Variants in CDKL3 observed in about 807,000 individuals in gnomAD.
CDKL3 encodes the protein cyclin dependent kinase like 3.
Under a neutral mutation model 69.3 loss-of-function variants are expected in CDKL3, and 65 were observed. The ratio of observed to expected loss-of-function variants is 0.94; its 90% confidence interval spans 0.77 to 1.15. CDKL3 has a LOEUF of 1.15. Among genes scored for constraint, CDKL3 ranks in the 50% most tolerant of loss-of-function variants. The pLI, the probability that CDKL3 is intolerant of heterozygous loss-of-function variation, is 0.00. For synonymous variants in CDKL3, 202 were observed against 221.6 expected (o/e 0.91, Z 0.79); for missense variants, 652 against 689.2 (o/e 0.95, Z 0.61).
At chr5:134,298,853 G>A in intron 12 of CDKL3, 143 bp from the exon 13 acceptor site, 1 of 1,115,672 alleles carries the variant, frequency 9.0e-7, no homozygotes, top group Non-Finnish European at 1.3e-6. Context: ...TTGCTTCAAT[G>A]CCTTGCTCAA....
chr5:134,296,374 C>T (rs1765350407), downstream of CDKL3, among the ~76,000 whole-genome samples: 1 of 152,140 alleles, frequency 6.6e-6, no homozygotes, highest in Non-Finnish European at 1.5e-5. Context: ...GGTTTTATGC[C>T]TTACACGGCC....
chr5:134,354,219 G>A (rs1381734867), intron 3 of CDKL3, among the ~76,000 whole-genome samples: 1 of 152,132 alleles, frequency 6.6e-6, no homozygotes, highest in Non-Finnish European at 1.5e-5. Flanking sequence ...CATAAGCTCC[G>A]TGAGGGCAAT....
At chr5:134,363,135 T>C (rs1756459668) in intron 2 of CDKL3, among the ~76,000 whole-genome samples, 3 of 152,172 alleles carry the variant, frequency 2.0e-5, no homozygotes, top group African/African-American at 4.8e-5. Flanking sequence ...AGATACTGCC[T>C]TGGGGGAAAA....
intron 3 of CDKL3, among the ~76,000 whole-genome samples, chr5:134,353,160 C>G (rs1202643075): frequency 3.3e-5 from 5 of 152,128 alleles, no homozygotes; most frequent in African/African-American, 1.2e-4. Context: ...AACATTTCTA[C>G]GTCTAACAGA....
chr5:134,297,887 AGTTTGTGTGT>A (rs1765444982), downstream of CDKL3, among the ~76,000 whole-genome samples: 3 of 121,364 alleles, frequency 2.5e-5, no homozygotes, highest in South Asian at 5.6e-4. Flanking sequence ...AACCATGAAT[AGTTTGTGTGT>A]GTGTGTGTGT....
Position 134,306,702 on chromosome 5 carries a change from C to CCTATTAT in CDKL3, c.1365-7_1365-1dup (p.Leu456Ter). 6.9e-7 allele frequency: 1 copy of CCTATTAT among 1,453,204 alleles called. No individual in the cohort carries two copies. Among genetic ancestry groups the CCTATTAT allele is most frequent in the Non-Finnish European group, 9.3e-7 (1 of 1,071,632 alleles). 90.0% of individuals were successfully genotyped at this position (1,453,204 alleles called of 1,614,324 possible). A position where few individuals can be genotyped will look rare whatever the true frequency, so the allele number is the denominator to read the frequency against. ...GTCTCTTTTTTGCTCTTTCAGTTAA[C>CCTATTAT]CTATTATTTAAAAATGAATGAGAAG... On this transcript the variant is annotated stop_gained and frameshift_variant and splice_region_variant. Transcript: ENST00000265334. LOFTEE classifies it high-confidence loss of function.
chr5:134,345,873 T>G (rs1751732026), intron 4 of CDKL3, among the ~76,000 whole-genome samples: 1 of 152,180 alleles, frequency 6.6e-6, no homozygotes. Flanking sequence ...CACCCACTGA[T>G]TTTGAACTTC....
chr5:134,364,662 C>CTA (rs1327748031), intron 2 of CDKL3, among the ~76,000 whole-genome samples: 3 of 150,856 alleles, frequency 2.0e-5, no homozygotes, highest in Non-Finnish European at 4.4e-5. Context: ...CAGGCATGCA[C>CTA]TACCATCCCC....
At chr5:134,295,827 T>C (rs979547422), downstream of CDKL3, among the ~76,000 whole-genome samples, 3 of 152,194 alleles carry the variant, frequency 2.0e-5, no homozygotes, top group Non-Finnish European at 2.9e-5. Context: ...CTTTATGAAA[T>C]AGAACAAGTC....
At chr5:134,367,485 T>G (rs1757740508), upstream of CDKL3, 2 of 783,726 alleles carry the variant, frequency 2.6e-6, no homozygotes, top group Non-Finnish European at 3.1e-6. Context: ...GTGATTTTCC[T>G]GCCTCAGCCT....
chr5:134,365,703 T>A (rs2149674083), intron 2 of CDKL3, among the ~76,000 whole-genome samples: 1 of 152,310 alleles, frequency 6.6e-6, no homozygotes, highest in African/African-American at 2.4e-5. Context: ...CTACCTCCAA[T>A]TTACTGTTCT....
At chr5:134,366,239 T>C in intron 2 of CDKL3, 120 bp downstream of exon 2, 1 of 665,644 alleles carries the variant, frequency 1.5e-6, no homozygotes, top group South Asian at 2.1e-5. Flanking sequence ...TAAGATAGAG[T>C]ATTACACTTG....
chr5:134,308,011 T>C (rs1768351403), intron 9 of CDKL3, 127 bp downstream of exon 9: 1 of 1,407,536 alleles, frequency 7.1e-7, no homozygotes, highest in Non-Finnish European at 9.3e-7. Context: ...TGGCCCATTA[T>C]ACAGCTTTAA....
rs1035523262 is a variant in CDKL3 at position 134,352,457 on chromosome 5, C to T, written c.361-2030G>A. 3.3e-5 allele frequency among the ~76,000 whole-genome samples: 5 copies of T among 152,052 alleles called. 1 individual carries two copies. The highest frequency in any genetic ancestry group is 4.2e-4 in the South Asian group (2 of 4,816). On this transcript the variant is annotated intron_variant, in intron 3 of 12. Coordinates refer to ENST00000265334, the MANE Select transcript of CDKL3 (RefSeq NM_001113575.2). ...CTGGGATTACAGGGACATGCCACCA[C>T]GCCCGGCTAATTTTTGTATTTTTAG...
chr5:134,353,780 G>A (rs1194236959), intron 3 of CDKL3, among the ~76,000 whole-genome samples: 10 of 151,920 alleles, frequency 6.6e-5, no homozygotes, highest in South Asian at 2.1e-4. Flanking sequence ...GGATGGTCTC[G>A]ATCTCTTGAC....
At chr5:134,360,172 G>GA in intron 2 of CDKL3, 81 bp from the exon 3 acceptor site, 1 of 939,704 alleles carries the variant, frequency 1.1e-6, no homozygotes, top group Non-Finnish European at 1.6e-6. Flanking sequence ...ATTTTGTAAA[G>GA]AAACAGTCAT....
chr5:134,299,248 T>C (rs1765735009), intron 12 of CDKL3, among the ~76,000 whole-genome samples: 1 of 152,216 alleles, frequency 6.6e-6, no homozygotes, highest in African/African-American at 2.4e-5. Context: ...GCCAAACCCA[T>C]GTTACATGGT....
intron 4 of CDKL3, among the ~76,000 whole-genome samples, chr5:134,336,778 G>T (rs1039723067): frequency 6.6e-6 from 1 of 152,276 alleles, no homozygotes. Context: ...CAGGCTACAT[G>T]GGGGTCAGGG....
intron 4 of CDKL3, among the ~76,000 whole-genome samples, chr5:134,347,641 G>A (rs566072340): frequency 6.3e-5 from 9 of 143,660 alleles, no homozygotes; most frequent in South Asian, 2.2e-4. Flanking sequence ...AGGCCGAGGC[G>A]AGCAGATCAC....
Sources: allele counts gnomAD v4.1 joint callset (sites outside exome capture counted in the v4.1 genomes callset), GRCh38; gene constraint gnomAD v4.1.1; transcripts MANE v1.5; gene names NCBI Gene and HGNC (gene_info 2026-07-23, HGNC 2026-07-21).